The following AP1AR variants were observed in gnomAD, a reference collection of about 807,000 sequenced individuals.
AP1AR encodes the protein AP-1 complex-associated regulatory protein.
A neutral mutation model predicts 46.3 loss-of-function variants in AP1AR; 29 were observed. The ratio of observed to expected loss-of-function variants is 0.63; its 90% CI spans 0.47 to 0.85. AP1AR has a LOEUF of 0.85. Among genes scored for constraint, AP1AR ranks in the 40% least tolerant of loss-of-function variants. The pLI is 0.00. For synonymous variants in AP1AR, 122 were observed against 122.9 expected, an observed-to-expected ratio of 0.99 and a Z score of 0.05; for missense variants, 357 against 356.3, an observed-to-expected ratio of 1.00 and a Z score of -0.02.
Position 112,263,044 on chromosome 4 carries a change from G to A in AP1AR, c.339G>A (p.Gln113=). 6.2e-7 allele frequency: 1 copy of A among 1,613,874 alleles called. No individual in the cohort carries two copies. The highest frequency in any genetic ancestry group is 8.5e-7 in the Non-Finnish European group (1 of 1,179,848). Residue 113 remains glutamine (Q), a synonymous_variant, in exon 6 of 10, where the codon CAG becomes CAA. Coordinates refer to ENST00000274000, the MANE Select transcript of AP1AR (RefSeq NM_018569.6). ...AAGAAGAAGCTTTATACGCTGCACA[G>A]CGTGAAGCAGCCAGGGCAGCAAAGC... The part of the protein sequence containing the change: ...RLEEEALYAA[Q]REAARAAKQR...
intron 1 of AP1AR, among the ~76,000 whole-genome samples, chr4:112,234,544 T>A (rs573491613): frequency 6.6e-6 from 1 of 152,250 alleles, no homozygotes; most frequent in South Asian, 2.1e-4. Context: ...ACTTGAATTT[T>A]CTGATTAACT....
At chr4:112,248,447 A>T (rs2110475729) in intron 1 of AP1AR, among the ~76,000 whole-genome samples, 1 of 152,352 alleles carries the variant, frequency 6.6e-6, no homozygotes, top group African/African-American at 2.4e-5. Flanking sequence ...TAATACTTTA[A>T]TTAAAGATGC....
intron 3 of AP1AR, among the ~76,000 whole-genome samples, chr4:112,256,553 CCTCT>C (rs778560829): frequency 6.6e-6 from 1 of 152,188 alleles, no homozygotes; most frequent in Non-Finnish European, 1.5e-5. Flanking sequence ...CCCCTCTTCT[CCTCT>C]CTAATTTACT....
chr4:112,260,398 A>T (rs1726390366), intron 4 of AP1AR, among the ~76,000 whole-genome samples: 1 of 152,196 alleles, frequency 6.6e-6, no homozygotes, highest in African/African-American at 2.4e-5. Flanking sequence ...ATCAGGGTGT[A>T]ATAGTGTACT....
intron 1 of AP1AR, among the ~76,000 whole-genome samples, chr4:112,249,326 C>A (rs1181745827): frequency 6.8e-6 from 1 of 147,542 alleles, no homozygotes; most frequent in Non-Finnish European, 1.5e-5. Context: ...CTCCTCCAAT[C>A]ACGATCCTCA....
chr4:112,241,933 A>T (rs551150229), intron 1 of AP1AR, among the ~76,000 whole-genome samples: 2 of 152,200 alleles, frequency 1.3e-5, no homozygotes, highest in African/African-American at 4.8e-5. Context: ...AATTTTTAAT[A>T]GACTTTGGAA....
chr4:112,256,469 C>T (rs994750186), intron 3 of AP1AR, among the ~76,000 whole-genome samples: 1 of 152,162 alleles, frequency 6.6e-6, no homozygotes, highest in African/African-American at 2.4e-5. Context: ...CAAGAGAACT[C>T]GTGATTCCAT....
intron 1 of AP1AR, among the ~76,000 whole-genome samples, chr4:112,239,287 C>T (rs1356980131): frequency 6.6e-6 from 1 of 152,148 alleles, no homozygotes; most frequent in Non-Finnish European, 1.5e-5. Context: ...CCTATCTTTT[C>T]TCTTAAATAT....
chr4:112,260,684 G>A, intron 4 of AP1AR, 82 bp from the exon 5 acceptor site: 1 of 845,264 alleles, frequency 1.2e-6, no homozygotes, highest in Non-Finnish European at 1.7e-6. Flanking sequence ...GAATTTCACT[G>A]GCTTTTTGAG....
chr4:112,258,047 TCTTA>T (rs1295277655), intron 4 of AP1AR, among the ~76,000 whole-genome samples: 5 of 152,174 alleles, frequency 3.3e-5, no homozygotes, highest in Non-Finnish European at 7.4e-5. Context: ...TTTTTAGTTT[TCTTA>T]AAACCATTTA....
chr4:112,265,688 G>T, intron 7 of AP1AR, 46 bp from the exon 8 acceptor site: 1 of 1,400,434 alleles, frequency 7.1e-7, no homozygotes, highest in South Asian at 1.2e-5. Flanking sequence ...TTGTCATATT[G>T]CAGCTACCAT....
chr4:112,253,072 G>C (rs554582405), intron 1 of AP1AR, 136 bp from the exon 2 acceptor site: 69 of 593,240 alleles, frequency 1.2e-4, no homozygotes, highest in Admixed American at 1.1e-4. Flanking sequence ...AAATTTTGTT[G>C]TTCTTTTTTT....
intron 1 of AP1AR, among the ~76,000 whole-genome samples, chr4:112,236,313 GCTTT>G (rs1235076578): frequency 1.3e-5 from 2 of 151,226 alleles, no homozygotes; most frequent in African/African-American, 4.9e-5. Context: ...CATGAGTTAG[GCTTT>G]CTAAAACCCG....
intron 1 of AP1AR, among the ~76,000 whole-genome samples, chr4:112,234,805 A>G (rs1217337790): frequency 1.3e-5 from 2 of 152,166 alleles, no homozygotes; most frequent in African/African-American, 4.8e-5. Context: ...ACAAAAGAAG[A>G]GGGTGTCCTC....
intron 2 of AP1AR, 23 bp from the exon 3 acceptor site, chr4:112,254,724 C>T (rs372054693): frequency 7.4e-6 from 11 of 1,479,530 alleles, no homozygotes; most frequent in African/African-American, 1.4e-5. Flanking sequence ...TTCCTCTTAA[C>T]GCTTACTTTT....
chr4:112,244,542 G>T (rs914601532), intron 1 of AP1AR, among the ~76,000 whole-genome samples: 1 of 152,112 alleles, frequency 6.6e-6, no homozygotes, highest in Non-Finnish European at 1.5e-5. Context: ...CTAAAACAGA[G>T]TTGTCAAGAC....
rs1725033519 is a variant in AP1AR, at chr4:112,232,161, G to C, written c.70G>C (p.Gly24Arg). 29 of 1,284,496 alleles carry C rather than the reference G, an allele frequency of 2.3e-5. No individual in the cohort carries two copies. The highest frequency in any genetic ancestry group is 2.8e-5 in the Non-Finnish European group (28 of 1,006,972). 79.6% of individuals were successfully genotyped at this position (1,284,496 alleles called of 1,614,324 possible). A position where few individuals can be genotyped will look rare whatever the true frequency, so the allele number is the denominator to read the frequency against. Reference sequence around the variant, plus strand: ...GGAAGCGGGGCGGCTGCAGCGAGTAGGCGGCGGCGGAGGGTAAGCCCGCTG... The same window carrying C: ...GGAAGCGGGGCGGCTGCAGCGAGTACGCGGCGGCGGAGGGTAAGCCCGCTG... ...RKEAGRLQRV[G>R]GGGGSKYFRT... is the part of the protein sequence containing the mutation. Residue 24 changes from glycine to arginine, a missense_variant, in exon 1 of 10, where the codon GGC becomes CGC. Gly to Arg is a moderately radical substitution (Grantham distance 125). Coordinates refer to ENST00000274000, the MANE Select transcript of AP1AR (RefSeq NM_018569.6).
At chr4:112,266,526 A>G in intron 8 of AP1AR, 62 bp from the exon 9 acceptor site, 1 of 1,498,758 alleles carries the variant, frequency 6.7e-7, no homozygotes. Flanking sequence ...TTACAAAATA[A>G]AACGGCTGTT....
Position 112,265,080 on chromosome 4 carries a change from A to C in AP1AR, c.440+13A>C, listed in dbSNP as rs1578422382. ...GAGAATATCAAAGGTAAATAGTGAA[A>C]CATATGCCTCCTTCCCTTTGTGGTA... On this transcript the variant is annotated intron_variant, in intron 7 of 9. Transcript: ENST00000274000. 6.3e-7 allele frequency: 1 copy of C among 1,589,824 alleles called. No individual in the cohort carries two copies. The highest frequency in any genetic ancestry group is 1.4e-5 in the African/African-American group (1 of 74,070).
Sources: gnomAD v4.1 joint callset for allele counts (sites outside exome capture counted in the v4.1 genomes callset) on GRCh38, gnomAD v4.1.1 for gene constraint, MANE v1.5 for transcripts, NCBI Gene and HGNC (gene_info 2026-07-23, HGNC 2026-07-21) for gene names.